Variants in CLEC2A observed in about 807,000 individuals in gnomAD.
The protein encoded by CLEC2A is keratinocyte-associated C-type lectin.
In CLEC2A, 19 loss-of-function variants were observed where a neutral mutation model predicts 18.6. That is an observed-to-expected ratio of 1.02 (90% CI 0.71 to 1.50). CLEC2A has a LOEUF of 1.50. Ranked by LOEUF, CLEC2A falls within the 40% of genes most tolerant of loss-of-function variation. CLEC2A has a pLI of 0.00. For missense variants in CLEC2A, 190 were observed against 207.9 expected (o/e 0.91, Z 0.53); for synonymous variants, 74 against 64.0 (o/e 1.16, Z -0.75).
the CLEC2A span, among the ~76,000 whole-genome samples, chr12:9,886,249 C>T: frequency 5.9e-5 from 9 of 151,956 alleles, no homozygotes; most frequent in East Asian, 1.7e-3. Flanking sequence ...TGGGTTTTGA[C>T]CAGTTTAAAA....
At chr12:9,880,967 G>GGAA in the CLEC2A span, among the ~76,000 whole-genome samples, 1,579 of 152,200 alleles carry the variant, frequency 0.01, 16 homozygotes, top group Non-Finnish European at 0.013. Context: ...ACCTACTGAA[G>GGAA]GAAAATCTGC....
chr12:9,894,024 T>C (rs1862720896), downstream of CLEC2A, among the ~76,000 whole-genome samples: 1 of 151,980 alleles, frequency 6.6e-6, no homozygotes, highest in Non-Finnish European at 1.5e-5. Context: ...TTCTTTTTCT[T>C]TTCTTCTCTT....
intron 4 of CLEC2A, among the ~76,000 whole-genome samples, chr12:9,904,532 A>G (rs1339256038): frequency 6.6e-6 from 1 of 152,142 alleles, no homozygotes; most frequent in Admixed American, 6.5e-5. Flanking sequence ...GTGGTTCTAG[A>G]GATGGGAGGA....
downstream of CLEC2A, among the ~76,000 whole-genome samples, chr12:9,911,080 G>A (rs905882237): frequency 6.6e-6 from 1 of 152,200 alleles, no homozygotes; most frequent in Non-Finnish European, 1.5e-5. Flanking sequence ...CTGCTTCTGT[G>A]TAGTTCCCCA....
chr12:9,903,909 T>A (rs113770271), intron 4 of CLEC2A, among the ~76,000 whole-genome samples: 227 of 152,326 alleles, frequency 1.5e-3, no homozygotes, highest in African/African-American at 5.3e-3. Flanking sequence ...TGTTTTATGA[T>A]GCTTTGTTTT....
the CLEC2A span, among the ~76,000 whole-genome samples, chr12:9,891,436 G>A: frequency 6.6e-6 from 1 of 152,092 alleles, no homozygotes; most frequent in Non-Finnish European, 1.5e-5. Context: ...TCATCATTTG[G>A]AGTATTTCCA....
downstream of CLEC2A, among the ~76,000 whole-genome samples, chr12:9,912,357 C>T (rs373323313): frequency 1.3e-5 from 2 of 152,076 alleles, no homozygotes; most frequent in Non-Finnish European, 2.9e-5. Context: ...TGAGGAGACC[C>T]CACTTGCCTG....
At chr12:9,914,329 C>G (rs1023696463) in intron 4 of CLEC2A, among the ~76,000 whole-genome samples, 3 of 152,114 alleles carry the variant, frequency 2.0e-5, no homozygotes, top group African/African-American at 7.2e-5. Context: ...ATCAAACTAC[C>G]TTTGACATTC....
chr12:9,901,472 T>G (rs1414112407), intron 4 of CLEC2A, among the ~76,000 whole-genome samples: 1 of 152,198 alleles, frequency 6.6e-6, no homozygotes, highest in East Asian at 1.9e-4. Flanking sequence ...ACTCAGACAT[T>G]AGAATTATAG....
the CLEC2A span, among the ~76,000 whole-genome samples, chr12:9,885,845 C>T: frequency 2.0e-5 from 3 of 152,108 alleles, no homozygotes; most frequent in East Asian, 1.9e-4. Context: ...CAATGTTAAA[C>T]GACTATTTTT....
chr12:9,880,303 G>C, the CLEC2A span, among the ~76,000 whole-genome samples: 159 of 152,272 alleles, frequency 1.0e-3, 2 homozygotes, highest in African/African-American at 3.7e-3. Context: ...GAAGCTAAGA[G>C]GTACATATAG....
intron 3 of CLEC2A, among the ~76,000 whole-genome samples, chr12:9,918,775 T>C (rs774513148): frequency 6.6e-6 from 1 of 152,174 alleles, no homozygotes; most frequent in African/African-American, 2.4e-5. Context: ...ACTCTGACTA[T>C]TTGAGTTACT....
In CLEC2A at chr12:9,902,937, G is replaced by T. The variant is rs564685262; in HGVS notation, c.411-3961C>A. Among the ~76,000 whole-genome samples the T allele has an allele frequency of 3.3e-5, 5 of 152,264 alleles. No individual in the cohort carries two copies. In the South Asian group the frequency reaches 1.0e-3, roughly 32 times the overall value. ...TAGACACGTGTTGGGGGAGAAGGAG[G>T]GAAGGGAAGAGGTCTGCCTGTGGAG... On this transcript the variant is annotated intron_variant, in intron 4 of 4. Coordinates refer to the CLEC2A transcript ENST00000339766.
At chr12:9,885,161 T>C in the CLEC2A span, 1 of 333,574 alleles carries the variant, frequency 3.0e-6, no homozygotes, top group East Asian at 4.5e-5. Flanking sequence ...TAAAATTATA[T>C]TAAATTTAAA....
chr12:9,884,867 TA>T, the CLEC2A span: 2 of 513,186 alleles, frequency 3.9e-6, no homozygotes, highest in Non-Finnish European at 6.6e-6. Flanking sequence ...GTCTCTGTAA[TA>T]AAAATGAAAC....
chr12:9,917,644 C>A (rs1251939731), intron 3 of CLEC2A, among the ~76,000 whole-genome samples: 3 of 151,280 alleles, frequency 2.0e-5, no homozygotes, highest in African/African-American at 7.3e-5. Flanking sequence ...CCACCGCAAC[C>A]ATTGTTGTTC....
chr12:9,889,557 C>T, the CLEC2A span, among the ~76,000 whole-genome samples: 1 of 152,114 alleles, frequency 6.6e-6, no homozygotes, highest in African/African-American at 2.4e-5. Flanking sequence ...GGTTTTCATC[C>T]TGTTGGCCTA....
intron 1 of CLEC2A, among the ~76,000 whole-genome samples, chr12:9,926,762 C>G (rs1445566617): frequency 6.6e-6 from 1 of 152,082 alleles, no homozygotes; most frequent in Non-Finnish European, 1.5e-5. Flanking sequence ...AAGGTCATGA[C>G]AGAAGACCTT....
the CLEC2A span, among the ~76,000 whole-genome samples, chr12:9,885,978 T>G: frequency 6.6e-6 from 1 of 152,134 alleles, no homozygotes; most frequent in African/African-American, 2.4e-5. Flanking sequence ...AGATAATTTC[T>G]TGTTAGACAC....
Sources: gnomAD v4.1 joint callset for allele counts (sites outside exome capture counted in the v4.1 genomes callset) on GRCh38, gnomAD v4.1.1 for gene constraint, MANE v1.5 for transcripts, NCBI Gene and HGNC (gene_info 2026-07-23, HGNC 2026-07-21) for gene names.